Variants in CNTN5 observed in about 807,000 individuals in gnomAD.
The protein encoded by CNTN5 is contactin 5.
A neutral mutation model predicts 129.1 loss-of-function variants in CNTN5; 77 were observed. That is an observed-to-expected ratio of 0.60 (90% CI 0.50 to 0.72). The LOEUF (loss-of-function observed/expected upper bound fraction) is 0.72. CNTN5 is among the 30% of genes least tolerant of loss of function. CNTN5 has a pLI of 0.00. For missense variants in CNTN5, 1,478 were observed against 1,328.8 expected, an observed-to-expected ratio of 1.11 and a Z score of -1.75; for synonymous variants, 509 against 465.6, an observed-to-expected ratio of 1.09 and a Z score of -1.20.
intron 3 of CNTN5, among the ~76,000 whole-genome samples, chr11:99,721,729 A>C (rs544632599): frequency 1.3e-5 from 2 of 152,326 alleles, no homozygotes; most frequent in East Asian, 3.9e-4. Flanking sequence ...TTTCTAAACT[A>C]TGCCTCTGAC....
chr11:100,145,404 T>C (rs2138276631), intron 13 of CNTN5, among the ~76,000 whole-genome samples: 1 of 152,258 alleles, frequency 6.6e-6, no homozygotes, highest in Middle Eastern at 3.4e-3. Flanking sequence ...ATCACTAATC[T>C]CTTGGCTCTG....
intron 13 of CNTN5, among the ~76,000 whole-genome samples, chr11:100,085,383 A>C (rs1199182720): frequency 6.6e-6 from 1 of 152,058 alleles, no homozygotes; most frequent in Non-Finnish European, 1.5e-5. Context: ...TAACATTCCC[A>C]AAACTCCTTC....
chr11:99,727,274 CCGCAG>C (rs2135069719), intron 3 of CNTN5, among the ~76,000 whole-genome samples: 7 of 124,068 alleles, frequency 5.6e-5, no homozygotes, highest in African/African-American at 2.2e-4. Flanking sequence ...CCACTGCAGT[CCGCAG>C]TCCGGCCTGG....
intron 16 of CNTN5, among the ~76,000 whole-genome samples, chr11:100,249,937 A>G (rs1949930446): frequency 6.6e-6 from 1 of 152,178 alleles, no homozygotes; most frequent in Non-Finnish European, 1.5e-5. Context: ...TTCTAATATT[A>G]TAACAGTAAA....
At chr11:100,238,627 G>T (rs1168588292) in intron 16 of CNTN5, among the ~76,000 whole-genome samples, 1 of 151,920 alleles carries the variant, frequency 6.6e-6, no homozygotes, top group African/African-American at 2.4e-5. Flanking sequence ...TTAATTTTCT[G>T]GTTTACATAA....
chr11:100,131,777 G>T (rs566153075), intron 13 of CNTN5, among the ~76,000 whole-genome samples: 1 of 152,154 alleles, frequency 6.6e-6, no homozygotes, highest in African/African-American at 2.4e-5. Flanking sequence ...TAAAAACCTC[G>T]AATTTACATC....
intron 3 of CNTN5, among the ~76,000 whole-genome samples, chr11:99,622,072 C>T (rs1950969122): frequency 6.6e-6 from 1 of 152,158 alleles, no homozygotes; most frequent in African/African-American, 2.4e-5. Flanking sequence ...CTTACACCTC[C>T]CCATACCAAG....
intron 2 of CNTN5, among the ~76,000 whole-genome samples, chr11:99,344,802 T>C (rs1313111219): frequency 1.3e-5 from 2 of 152,092 alleles, no homozygotes; most frequent in African/African-American, 4.8e-5. Context: ...CATTCAAAAA[T>C]AAGAAAAGTA....
At chr11:99,733,328 A>G (rs1231929611) in intron 3 of CNTN5, among the ~76,000 whole-genome samples, 1 of 151,536 alleles carries the variant, frequency 6.6e-6, no homozygotes, top group Non-Finnish European at 1.5e-5. Context: ...TCTCAAAAAA[A>G]AAAAAAAAAA....
At chr11:99,501,421 A>C (rs192454102) in intron 2 of CNTN5, among the ~76,000 whole-genome samples, 141 of 152,346 alleles carry the variant, frequency 9.3e-4, no homozygotes, top group African/African-American at 3.3e-3. Flanking sequence ...ATTTAGTTTA[A>C]AGAATATTTG....
At chr11:99,204,055 A>AT (rs1344679026) in intron 1 of CNTN5, among the ~76,000 whole-genome samples, 1 of 152,204 alleles carries the variant, frequency 6.6e-6, no homozygotes, top group Non-Finnish European at 1.5e-5. Context: ...CTATATAGAC[A>AT]TTTTTAATTT....
At chr11:100,083,442 G>T (rs1944435510) in intron 13 of CNTN5, among the ~76,000 whole-genome samples, 1 of 151,882 alleles carries the variant, frequency 6.6e-6, no homozygotes, top group Non-Finnish European at 1.5e-5. Flanking sequence ...CAAGGGATCT[G>T]CATCTGTGAT....
chr11:99,927,332 C>G (rs1479901473), intron 7 of CNTN5, among the ~76,000 whole-genome samples: 1 of 152,050 alleles, frequency 6.6e-6, no homozygotes, highest in Non-Finnish European at 1.5e-5. Flanking sequence ...CACAGAGATC[C>G]AGGTCTGTGA....
At chr11:99,533,897 C>A (rs965319210) in intron 2 of CNTN5, among the ~76,000 whole-genome samples, 2 of 152,136 alleles carry the variant, frequency 1.3e-5, no homozygotes, top group Admixed American at 1.3e-4. Context: ...AGGGTCCATA[C>A]TCATAGAGAA....
chr11:99,462,946 C>G (rs1460597943), intron 2 of CNTN5, among the ~76,000 whole-genome samples: 1 of 151,130 alleles, frequency 6.6e-6, no homozygotes, highest in Non-Finnish European at 1.5e-5. Flanking sequence ...CAAAACAAAA[C>G]AAACAAAAAA....
In CNTN5 at chr11:99,544,026, G is replaced by T. The variant is rs545053665; in HGVS notation, c.-70-12119G>T. Among the ~76,000 whole-genome samples the T allele has an allele frequency of 7.3e-5, 11 of 151,444 alleles. 1 individual carries two copies. The South Asian group carries it at 2.3e-3, about 32-fold the overall frequency. On this transcript the variant is annotated intron_variant, in intron 2 of 24. Coordinates refer to ENST00000524871, the MANE Select transcript of CNTN5 (RefSeq NM_014361.4). Reference sequence around the variant, plus strand: ...TGTGTTAAACTATTCTTGTGTTGCTGTTAAGAATACCTGAAGTTGCATAAT... The same window carrying T: ...TGTGTTAAACTATTCTTGTGTTGCTTTTAAGAATACCTGAAGTTGCATAAT...
At chr11:99,293,183 T>C (rs1864241829) in intron 1 of CNTN5, among the ~76,000 whole-genome samples, 1 of 152,132 alleles carries the variant, frequency 6.6e-6, no homozygotes, top group Non-Finnish European at 1.5e-5. Context: ...GTGGAAATGA[T>C]CATACGATTT....
intron 18 of CNTN5, among the ~76,000 whole-genome samples, chr11:100,278,738 T>C (rs1374140414): frequency 6.6e-6 from 1 of 152,054 alleles, no homozygotes; most frequent in East Asian, 1.9e-4. Flanking sequence ...CATAAGATTA[T>C]ATCATCTGCA....
intron 2 of CNTN5, among the ~76,000 whole-genome samples, chr11:99,394,410 A>G (rs2136194734): frequency 6.6e-6 from 1 of 151,786 alleles, no homozygotes; most frequent in African/African-American, 2.4e-5. Flanking sequence ...CCAAACTGTA[A>G]AATAAACACT....
Sources: allele counts gnomAD v4.1 joint callset (sites outside exome capture counted in the v4.1 genomes callset), GRCh38; gene constraint gnomAD v4.1.1; transcripts MANE v1.5; gene names NCBI Gene and HGNC (gene_info 2026-07-23, HGNC 2026-07-21).